WDFY4: variants seen among roughly 807,000 people sequenced by gnomAD.
WDFY4 encodes WDFY family member 4.
In WDFY4, 169 loss-of-function variants were observed where a neutral mutation model predicts 351.9. That is an observed-to-expected ratio of 0.48 (90% CI 0.42 to 0.55). The LOEUF (loss-of-function observed/expected upper bound fraction) is 0.55. Ranked by LOEUF, WDFY4 falls within the 20% of genes least tolerant of loss-of-function variation. The probability of loss-of-function intolerance (pLI) is 0.00; values close to 1 mark genes in which losing one functional copy is unlikely to be tolerated. For missense variants in WDFY4, 3,803 were observed against 3,935.6 expected, an observed-to-expected ratio of 0.97 and a Z score of 0.90; for synonymous variants, 1,622 against 1,574.6, an observed-to-expected ratio of 1.03 and a Z score of -0.71.
At chr10:48,919,519 G>A (rs1045586718) in intron 47 of WDFY4, among the ~76,000 whole-genome samples, 7 of 152,180 alleles carry the variant, frequency 4.6e-5, no homozygotes, top group African/African-American at 1.7e-4. Flanking sequence ...TAGTTGGCTT[G>A]TAAGCAACAT....
chr10:48,867,529 G>A (rs1294679820), intron 40 of WDFY4, among the ~76,000 whole-genome samples, 187 bp downstream of exon 40: 1 of 152,210 alleles, frequency 6.6e-6, no homozygotes, highest in Non-Finnish European at 1.5e-5. Flanking sequence ...GATATTTAAA[G>A]TACCTATCTA....
At chr10:48,951,828 A>G (rs996064739) in intron 51 of WDFY4, among the ~76,000 whole-genome samples, 1 of 152,190 alleles carries the variant, frequency 6.6e-6, no homozygotes, top group African/African-American at 2.4e-5. Flanking sequence ...AGTTGCTCTC[A>G]GGCCTGAGAT....
chr10:48,976,543 G>T (rs1008789913), intron 58 of WDFY4: 10 of 278,406 alleles, frequency 3.6e-5, no homozygotes, highest in Admixed American at 1.1e-4. Context: ...GAGCCTGAGG[G>T]TGAGCCAGGT....
At chr10:48,872,494 G>C (rs1261301108) in intron 40 of WDFY4, among the ~76,000 whole-genome samples, 1 of 152,212 alleles carries the variant, frequency 6.6e-6, no homozygotes, top group Non-Finnish European at 1.5e-5. Flanking sequence ...CCTAACACAT[G>C]ATAATGAGTG....
chr10:48,905,097 T>G (rs11101559), intron 47 of WDFY4, among the ~76,000 whole-genome samples: 43,048 of 152,146 alleles, frequency 0.28, 9,822 homozygotes, highest in African/African-American at 0.63. Context: ...GATGAACCTA[T>G]TCTGTAATGT....
chr10:48,707,935 C>T (rs530546427), intron 1 of WDFY4, among the ~76,000 whole-genome samples: 9 of 152,066 alleles, frequency 5.9e-5, no homozygotes, highest in African/African-American at 2.2e-4. Context: ...AGAGTTAGCC[C>T]CCCAAAAGAA....
chr10:48,710,792 G>A (rs142434106), intron 2 of WDFY4, among the ~76,000 whole-genome samples: 7 of 152,224 alleles, frequency 4.6e-5, no homozygotes, highest in Non-Finnish European at 5.9e-5. Flanking sequence ...GCTCCACGAA[G>A]GAAACCAGCG....
chr10:48,691,045 G>A (rs917850032), intron 1 of WDFY4, among the ~76,000 whole-genome samples: 3 of 152,160 alleles, frequency 2.0e-5, no homozygotes, highest in Non-Finnish European at 4.4e-5. Context: ...AGGGATACCT[G>A]AAGGCCAGTG....
rs575623396 is a variant in WDFY4, at chr10:48,725,193, G to A, written c.592-688G>A. Among the ~76,000 whole-genome samples the A allele has an allele frequency of 3.3e-4, 50 of 152,312 alleles. No homozygotes were observed. In the South Asian group the frequency reaches 4.4e-3, roughly 13 times the overall value. ...TGAAGCCCAGCTTCTCTCTGTATCA[G>A]ACTAGAAGGGGAAAATGTCTTCCCA... On this transcript the variant is annotated intron_variant, in intron 5 of 61. Coordinates refer to ENST00000325239, the MANE Select transcript of WDFY4 (RefSeq NM_001394531.1).
chr10:48,743,967 A>G (rs1238517246), intron 12 of WDFY4, among the ~76,000 whole-genome samples: 1 of 152,178 alleles, frequency 6.6e-6, no homozygotes, highest in Non-Finnish European at 1.5e-5. Context: ...TTTGATCTGC[A>G]GGACACAAAC....
intron 51 of WDFY4, among the ~76,000 whole-genome samples, chr10:48,950,939 A>G (rs1291404715): frequency 6.6e-6 from 1 of 152,216 alleles, no homozygotes; most frequent in African/African-American, 2.4e-5. Flanking sequence ...CACGTACTGT[A>G]TGCCTGTGTG....
At chr10:48,690,587 A>C (rs1188729198) in intron 1 of WDFY4, among the ~76,000 whole-genome samples, 1 of 152,054 alleles carries the variant, frequency 6.6e-6, no homozygotes, top group Non-Finnish European at 1.5e-5. Flanking sequence ...CCTGATGAGC[A>C]CTCAGCTCTC....
At chr10:48,773,952 G>A (rs1055662645) in intron 13 of WDFY4, among the ~76,000 whole-genome samples, 2 of 152,142 alleles carry the variant, frequency 1.3e-5, no homozygotes, top group Admixed American at 6.5e-5. Context: ...AGCTGGGGGG[G>A]ATGTTGGACC....
chr10:48,926,098 G>A lies in WDFY4; in HGVS notation c.7587-15708G>A, dbSNP rs141486690. Among the ~76,000 whole-genome samples the A allele has an allele frequency of 3.9e-3, 593 of 152,274 alleles. 1 individual carries two copies. Among genetic ancestry groups the A allele is most frequent in the Non-Finnish European group, 5.7e-3 (389 of 68,014 alleles). ...TCTCTCTCTCCTCCCTCTGTTGCCT[G>A]TGCTCCCCCAGTGGCAAATGCCTCA... On this transcript the variant is annotated intron_variant, in intron 47 of 61. Coordinates refer to ENST00000325239, the MANE Select transcript of WDFY4 (RefSeq NM_001394531.1).
At chr10:48,942,245 A>G (rs1840807101) in intron 48 of WDFY4, among the ~76,000 whole-genome samples, 1 of 152,200 alleles carries the variant, frequency 6.6e-6, no homozygotes, top group Admixed American at 6.5e-5. Context: ...GATTACAGGC[A>G]TGAGCCACTG....
chr10:48,726,862 C>T (rs187738752), intron 6 of WDFY4, among the ~76,000 whole-genome samples: 148 of 152,328 alleles, frequency 9.7e-4, no homozygotes, highest in African/African-American at 3.3e-3. Context: ...AAAACAGTGA[C>T]CCATCCAAAT....
chr10:48,973,180 C>T (rs1656834725), intron 57 of WDFY4, among the ~76,000 whole-genome samples: 1 of 152,212 alleles, frequency 6.6e-6, no homozygotes, highest in Admixed American at 6.5e-5. Context: ...CTGAGCCTTA[C>T]ACCTGGGTTC....
intron 39 of WDFY4, among the ~76,000 whole-genome samples, chr10:48,862,979 A>C (rs1025831060): frequency 6.6e-6 from 1 of 152,180 alleles, no homozygotes; most frequent in Non-Finnish European, 1.5e-5. Context: ...AGCTTCTTTC[A>C]CTTAGGATGT....
At chr10:48,754,395 C>T (rs1486035912) in intron 12 of WDFY4, among the ~76,000 whole-genome samples, 2 of 151,886 alleles carry the variant, frequency 1.3e-5, no homozygotes, top group South Asian at 2.1e-4. Context: ...GTCTGCATCC[C>T]GTCTTTCAGT....
Sources: gnomAD v4.1 joint callset for allele counts (sites outside exome capture counted in the v4.1 genomes callset) on GRCh38, gnomAD v4.1.1 for gene constraint, MANE v1.5 for transcripts, NCBI Gene and HGNC (gene_info 2026-07-23, HGNC 2026-07-21) for gene names.